The following LRP1B variants were observed in gnomAD, a reference collection of about 807,000 sequenced individuals.
LRP1B encodes LDL receptor related protein 1B.
In LRP1B, 217 loss-of-function variants were observed where a neutral mutation model predicts 556.6. The observed-to-expected ratio is 0.39, with a 90% confidence interval of 0.35 to 0.44. The LOEUF is 0.44. LRP1B is among the 20% of genes least tolerant of loss of function. The pLI is 1.00. For synonymous variants in LRP1B, 2,047 were observed against 1,865.8 expected (o/e 1.10, Z -2.50); for missense variants, 5,053 against 5,620.8 (o/e 0.90, Z 3.23).
At chr2:140,436,918 T>G (rs1686209194) in intron 66 of LRP1B, among the ~76,000 whole-genome samples, 1 of 152,166 alleles carries the variant, frequency 6.6e-6, no homozygotes, top group Non-Finnish European at 1.5e-5. Context: ...ACAACATTTT[T>G]AAATATTCAG....
rs147958937 is a variant in LRP1B, at chr2:142,001,286, T to C, written c.82+129362A>G. 2.0e-5 allele frequency among the ~76,000 whole-genome samples: 3 copies of C among 152,318 alleles called. No individual in the cohort carries two copies. The East Asian group carries it at 5.8e-4, about 29-fold the overall frequency. On this transcript the variant is annotated intron_variant, in intron 1 of 90. Coordinates refer to ENST00000389484, the MANE Select transcript of LRP1B (RefSeq NM_018557.3). The stretch of plus-strand genomic sequence containing the variant: ...ACCTACTGTCTCTGGTAGATACATC[T>C]GCTTAAACACAGCTCCATATCTTCA...
intron 7 of LRP1B, among the ~76,000 whole-genome samples, chr2:141,167,739 G>A (rs576025218): frequency 6.6e-6 from 1 of 151,814 alleles, no homozygotes; most frequent in East Asian, 1.9e-4. Flanking sequence ...TCTCATATTC[G>A]AGAAGTAAAA....
At chr2:140,783,519 T>C (rs545788112) in intron 32 of LRP1B, among the ~76,000 whole-genome samples, 3 of 51,778 alleles carry the variant, frequency 5.8e-5, no homozygotes, top group African/African-American at 2.7e-4. Flanking sequence ...AGATGAAGAA[T>C]AGGAGAGAAG....
At chr2:140,386,667 T>C (rs926003726) in intron 66 of LRP1B, among the ~76,000 whole-genome samples, 5 of 152,194 alleles carry the variant, frequency 3.3e-5, no homozygotes, top group Admixed American at 2.0e-4. Flanking sequence ...AAATAAAAAC[T>C]TTTGGAAATT....
chr2:141,213,074 C>A (rs1254133567), intron 6 of LRP1B, among the ~76,000 whole-genome samples: 2 of 151,898 alleles, frequency 1.3e-5, no homozygotes, highest in Non-Finnish European at 2.9e-5. Flanking sequence ...TCTGGTGTTC[C>A]TCCCACCTCA....
chr2:140,602,092 A>G lies in LRP1B; in HGVS notation c.6800-453T>C, dbSNP rs575370980. On this transcript the variant is annotated intron_variant, in intron 41 of 90. Coordinates refer to ENST00000389484, the MANE Select transcript of LRP1B (RefSeq NM_018557.3). Reference sequence around the variant, plus strand: ...AAAAGCAAACACATCGAAAACTACAACAGTATGAGAAATCCAAAATCTAAC... The same window carrying G: ...AAAAGCAAACACATCGAAAACTACAGCAGTATGAGAAATCCAAAATCTAAC... 1.1e-4 allele frequency among the ~76,000 whole-genome samples: 17 copies of G among 152,212 alleles called. No homozygotes were observed. The South Asian group carries it at 2.7e-3, about 24-fold the overall frequency.
At chr2:141,770,831 ATAAGGTGGACACGT>A (rs1252565878) in intron 2 of LRP1B, among the ~76,000 whole-genome samples, 1 of 152,162 alleles carries the variant, frequency 6.6e-6, no homozygotes, top group East Asian at 1.9e-4. Context: ...TTGCCTGTTA[ATAAGGTGGACACGT>A]TATTTATCTT....
chr2:142,123,430 C>T (rs186364832), intron 1 of LRP1B, among the ~76,000 whole-genome samples: 147 of 152,026 alleles, frequency 9.7e-4, no homozygotes, highest in Middle Eastern at 3.4e-3. Flanking sequence ...AAACAAGAGA[C>T]GATAGGTGGT....
rs571979930 is a variant in LRP1B at position 140,475,407 on chromosome 2, C to T, written c.9426-70G>A. ...GAGCAAAACAACAAACAATATATTA[C>T]TTTTTTGCTCAACTGTTCCCACATT... On this transcript the variant is annotated intron_variant, in intron 59 of 90. Transcript: ENST00000389484. 103 of 1,195,204 alleles carry T rather than the reference C, an allele frequency of 8.6e-5. No homozygotes were observed. In the African/African-American group the frequency reaches 1.5e-3, roughly 18 times the overall value. 74.0% of individuals were successfully genotyped at this position (1,195,204 alleles called of 1,614,324 possible). A position where few individuals can be genotyped will look rare whatever the true frequency, so the allele number is the denominator to read the frequency against.
At chr2:141,485,979 G>A (rs761095329) in intron 2 of LRP1B, among the ~76,000 whole-genome samples, 1 of 152,098 alleles carries the variant, frequency 6.6e-6, no homozygotes. Flanking sequence ...GGACAGGGGC[G>A]AGGTGACCAG....
chr2:140,953,078 A>G (rs1003238159), intron 18 of LRP1B, among the ~76,000 whole-genome samples: 2 of 151,986 alleles, frequency 1.3e-5, no homozygotes, highest in African/African-American at 4.8e-5. Context: ...TATGGTCCAT[A>G]TTCTTTTTGT....
intron 3 of LRP1B, among the ~76,000 whole-genome samples, chr2:141,275,954 A>T (rs1685269104): frequency 6.6e-6 from 1 of 152,132 alleles, no homozygotes; most frequent in Admixed American, 6.6e-5. Flanking sequence ...CTTTTATTTC[A>T]AAACTGATTA....
At chr2:140,554,670 A>T (rs1363541755) in intron 43 of LRP1B, among the ~76,000 whole-genome samples, 2 of 152,090 alleles carry the variant, frequency 1.3e-5, no homozygotes, top group Non-Finnish European at 1.5e-5. Context: ...CTCTGGAAAG[A>T]CTGAAATATT....
chr2:142,077,615 A>T (rs1477465252), intron 1 of LRP1B, among the ~76,000 whole-genome samples: 2 of 152,130 alleles, frequency 1.3e-5, no homozygotes, highest in Admixed American at 6.6e-5. Context: ...ATAAGGTAAC[A>T]GTGTTATTAT....
At chr2:140,753,169 T>C (rs1336869721) in intron 35 of LRP1B, among the ~76,000 whole-genome samples, 2 of 152,154 alleles carry the variant, frequency 1.3e-5, no homozygotes, top group African/African-American at 4.8e-5. Flanking sequence ...TAGACAAATT[T>C]TTCCAGTTTA....
intron 46 of LRP1B, 82 bp from the exon 47 acceptor site, chr2:140,534,222 T>TCCATAATCCAG: frequency 7.8e-7 from 1 of 1,285,282 alleles, no homozygotes; most frequent in Non-Finnish European, 1.1e-6. Context: ...TAATATTTCA[T>TCCATAATCCAG]TCATAATGAC....
chr2:140,806,856 A>G (rs575358243), intron 32 of LRP1B, among the ~76,000 whole-genome samples: 66 of 152,230 alleles, frequency 4.3e-4, no homozygotes, highest in Non-Finnish European at 7.9e-4. Flanking sequence ...AAGAAATAAG[A>G]CTATTGTTTC....
At position 140,390,209 on chromosome 2, in the gene LRP1B, A is replaced by C. The variant is rs543658187; in HGVS notation, c.10415-4200T>G. On this transcript the variant is annotated intron_variant, in intron 66 of 90. Coordinates refer to ENST00000389484, the MANE Select transcript of LRP1B (RefSeq NM_018557.3). ...ACATTTCTTGAAAAAGAAAAATTAAACTGGAGAATTTACAGTACTTGATTG... is the reference window on the plus strand; with the variant it reads ...ACATTTCTTGAAAAAGAAAAATTAACCTGGAGAATTTACAGTACTTGATTG... 3.4e-4 allele frequency among the ~76,000 whole-genome samples: 52 copies of C among 152,284 alleles called. 2 individuals carry two copies. The highest frequency in any genetic ancestry group is 1.2e-3 in the African/African-American group (51 of 41,572).
At chr2:141,999,237 C>T (rs1029841257) in intron 1 of LRP1B, among the ~76,000 whole-genome samples, 6 of 151,928 alleles carry the variant, frequency 3.9e-5, no homozygotes, top group African/African-American at 7.3e-5. Context: ...GAGGCATGTC[C>T]GACCCTCCCC....
Sources: allele counts gnomAD v4.1 joint callset (sites outside exome capture counted in the v4.1 genomes callset), GRCh38; gene constraint gnomAD v4.1.1; transcripts MANE v1.5; gene names NCBI Gene and HGNC (gene_info 2026-07-23, HGNC 2026-07-21).